Variants in FHL2 observed in about 807,000 individuals in gnomAD.
The protein encoded by FHL2 is four and a half LIM domains protein 2.
Under a neutral mutation model 32.7 loss-of-function variants are expected in FHL2, and 20 were observed. That is an observed-to-expected ratio of 0.61 (90% confidence interval 0.43 to 0.89). The LOEUF (loss-of-function observed/expected upper bound fraction) is 0.89, where lower values mean the gene tolerates loss of function less well. FHL2 is among the 40% of genes least tolerant of loss of function. The pLI is 0.00. For synonymous variants in FHL2, 123 were observed against 128.1 expected, an observed-to-expected ratio of 0.96 and a Z score of 0.27; for missense variants, 311 against 358.6, an observed-to-expected ratio of 0.87 and a Z score of 1.07.
chr2:105,384,718 G>A (rs1402149510), intron 3 of FHL2, among the ~76,000 whole-genome samples: 2 of 152,238 alleles, frequency 1.3e-5, no homozygotes, highest in Non-Finnish European at 2.9e-5. Flanking sequence ...ATGTTGGCCA[G>A]GCTGGTCTCG....
At chr2:105,415,795 G>A (rs1458999389) in intron 1 of FHL2, among the ~76,000 whole-genome samples, 1 of 152,168 alleles carries the variant, frequency 6.6e-6, no homozygotes, top group Admixed American at 6.5e-5. Flanking sequence ...TTTCTTTGTG[G>A]CCCTAACCCC....
chr2:105,419,513 A>C (rs1684036467), intron 1 of FHL2, among the ~76,000 whole-genome samples: 1 of 152,220 alleles, frequency 6.6e-6, no homozygotes. Context: ...CCATACCAAG[A>C]GGAGACCAAC....
chr2:105,384,545 T>G (rs1384816321), intron 3 of FHL2, among the ~76,000 whole-genome samples: 1 of 152,160 alleles, frequency 6.6e-6, no homozygotes, highest in Non-Finnish European at 1.5e-5. Context: ...TCTTACTCTG[T>G]GTCCCAGGCT....
intron 1 of FHL2, among the ~76,000 whole-genome samples, chr2:105,414,482 C>T (rs533294293): frequency 1.3e-5 from 2 of 152,256 alleles, no homozygotes; most frequent in Admixed American, 1.3e-4. Flanking sequence ...GCCCCCCCTC[C>T]GCCGCCATTA....
intron 1 of FHL2, among the ~76,000 whole-genome samples, chr2:105,437,960 G>T (rs1305484959): frequency 6.6e-6 from 1 of 152,174 alleles, no homozygotes; most frequent in Non-Finnish European, 1.5e-5. Flanking sequence ...CGGAAATTCT[G>T]TCAGGGAGAA....
chr2:105,398,882 C>G lies in FHL2; in HGVS notation c.-116G>C, dbSNP rs1683331831. The G allele has an allele frequency of 6.6e-7, 1 of 1,517,210 alleles. No individual in the cohort carries two copies. 94.0% of individuals were successfully genotyped at this position (1,517,210 alleles called of 1,614,324 possible). A position where few individuals can be genotyped will look rare whatever the true frequency, so the allele number is the denominator to read the frequency against. On this transcript the variant is annotated 5_prime_UTR_variant, in exon 1 of 7. Transcript: ENST00000530340. ...CGGCTCTGCTCCCCTCTCCTTGGGT[C>G]TCGCACCGGATTCGGCCCCCACTTC... is the stretch of plus-strand genomic sequence containing the variant.
At chr2:105,387,880 A>T (rs1056261628) in intron 2 of FHL2, among the ~76,000 whole-genome samples, 3 of 152,238 alleles carry the variant, frequency 2.0e-5, no homozygotes, top group Admixed American at 2.0e-4. Context: ...GACAGATTGG[A>T]TAAAGAAAAT....
chr2:105,420,945 C>T (rs369070620), intron 1 of FHL2, among the ~76,000 whole-genome samples: 1 of 152,272 alleles, frequency 6.6e-6, no homozygotes, highest in African/African-American at 2.4e-5. Context: ...CGGTCTATGG[C>T]CTGGGGACTG....
intron 1 of FHL2, among the ~76,000 whole-genome samples, chr2:105,421,866 T>C (rs1444998289): frequency 6.6e-6 from 1 of 152,234 alleles, no homozygotes; most frequent in Non-Finnish European, 1.5e-5. Context: ...TTCTAGGATT[T>C]AGTTTTCCAG....
intron 1 of FHL2, among the ~76,000 whole-genome samples, chr2:105,418,830 A>G (rs1015450897): frequency 6.6e-6 from 1 of 152,178 alleles, no homozygotes; most frequent in Non-Finnish European, 1.5e-5. Flanking sequence ...CTTTTATTAC[A>G]GCATATTGTT....
upstream of FHL2, among the ~76,000 whole-genome samples, chr2:105,404,029 C>T (rs1235971673): frequency 6.6e-6 from 1 of 152,158 alleles, no homozygotes; most frequent in Admixed American, 6.5e-5. Flanking sequence ...TGGGCTAGAC[C>T]CATCTGTGCA....
Position 105,399,010 on chromosome 2 carries a change from G to A in FHL2, c.-244C>T. The stretch of plus-strand genomic sequence containing the variant: ...CGGGGACTCCCGGACGGGGCTGGAG[G>A]GCGCGGGCGGCTGGTGGCTGCGGCT... On this transcript the variant is annotated 5_prime_UTR_variant, in exon 1 of 7. Transcript: ENST00000530340. 1.3e-6 allele frequency: 2 copies of A among 1,497,846 alleles called. No homozygotes were observed. Among genetic ancestry groups the A allele is most frequent in the East Asian group, 2.8e-5 (1 of 35,250 alleles). The allele number at this position is 1,497,846 out of a possible 1,614,324, so 92.8% of individuals were successfully genotyped here.
At chr2:105,383,831 C>G (rs968729212) in intron 3 of FHL2, among the ~76,000 whole-genome samples, 1 of 152,178 alleles carries the variant, frequency 6.6e-6, no homozygotes, top group Non-Finnish European at 1.5e-5. Context: ...ATCAAAAGCC[C>G]CAAATGCCAA....
At chr2:105,395,861 C>T (rs1016038666) in intron 2 of FHL2, among the ~76,000 whole-genome samples, 5 of 152,300 alleles carry the variant, frequency 3.3e-5, no homozygotes, top group Middle Eastern at 3.4e-3. Context: ...CTAGTAAAGG[C>T]GTGGGCCACC....
In FHL2 at chr2:105,373,448, A is replaced by G. The variant is rs1359197924; in HGVS notation, c.331+111T>C. The G allele has an allele frequency of 4.3e-6, 5 of 1,167,096 alleles. No individual in the cohort carries two copies. The African/African-American group carries it at 4.5e-5, about 11-fold the overall frequency. The allele number at this position is 1,167,096 out of a possible 1,614,324, so 72.3% of individuals were successfully genotyped here. A position where few individuals can be genotyped will look rare whatever the true frequency, so the allele number is the denominator to read the frequency against. ...CCTCTGCAGTTCAAGGTCAAACTGGAAAGTCAACACGAGTGTCTGGAACCA... is the reference window on the plus strand; with the variant it reads ...CCTCTGCAGTTCAAGGTCAAACTGGGAAGTCAACACGAGTGTCTGGAACCA... On this transcript the variant is annotated intron_variant, in intron 4 of 6. Transcript: ENST00000530340.
intron 1 of FHL2, among the ~76,000 whole-genome samples, chr2:105,428,580 C>T (rs1476501600): frequency 2.6e-5 from 4 of 152,236 alleles, no homozygotes; most frequent in Non-Finnish European, 4.4e-5. Context: ...ACAGGCCCGC[C>T]CATGGCTGCC....
chr2:105,431,828 G>T (rs1484801648), intron 1 of FHL2, among the ~76,000 whole-genome samples: 1 of 152,186 alleles, frequency 6.6e-6, no homozygotes, highest in Non-Finnish European at 1.5e-5. Flanking sequence ...CAAGGCTGGC[G>T]GAGGTTTGCT....
chr2:105,423,312 A>T (rs1202755228), intron 1 of FHL2, among the ~76,000 whole-genome samples: 1 of 152,236 alleles, frequency 6.6e-6, no homozygotes, highest in East Asian at 1.9e-4. Context: ...TCATAAACCT[A>T]TTGCATCAAC....
chr2:105,397,283 A>G (rs1444135980), intron 1 of FHL2, among the ~76,000 whole-genome samples: 1 of 152,184 alleles, frequency 6.6e-6, no homozygotes, highest in East Asian at 1.9e-4. Context: ...ACCCTGAGTT[A>G]AAGTTACTTT....
Sources: gnomAD v4.1 joint callset for allele counts (sites outside exome capture counted in the v4.1 genomes callset) on GRCh38, gnomAD v4.1.1 for gene constraint, MANE v1.5 for transcripts, NCBI Gene and HGNC (gene_info 2026-07-23, HGNC 2026-07-21) for gene names.